Variants in SYNRG observed in about 807,000 individuals in gnomAD.
SYNRG encodes the protein AP1 gamma subunit binding protein 1.
SYNRG carries 37 observed loss-of-function variants against 130.9 expected under a neutral mutation model. The ratio of observed to expected loss-of-function variants is 0.28; its 90% CI spans 0.22 to 0.37. The LOEUF is 0.37. SYNRG is among the 10% of genes least tolerant of loss of function. The pLI, the probability that SYNRG is intolerant of heterozygous loss-of-function variation, is 1.00. For synonymous variants in SYNRG, 539 were observed against 568.1 expected (o/e 0.95, Z 0.73); for missense variants, 1,338 against 1,588.9 (o/e 0.84, Z 2.68).
At position 37,609,404 on chromosome 17, in the gene SYNRG, C is replaced by T; in HGVS notation, c.-49G>A. On this transcript the variant is annotated 5_prime_UTR_variant, in exon 1 of 22. Transcript: ENST00000612223. Reference sequence around the variant, plus strand: ...TTCGCCGCCGCCACCTTATCAGCAGCTGTCAGCTGAACACAGCCACTTCCG... The same window carrying T: ...TTCGCCGCCGCCACCTTATCAGCAGTTGTCAGCTGAACACAGCCACTTCCG... 2.9e-6 allele frequency: 4 copies of T among 1,381,100 alleles called. No homozygotes were observed. Among genetic ancestry groups the T allele is most frequent in the Non-Finnish European group, 3.7e-6 (4 of 1,071,312 alleles). The allele number at this position is 1,381,100 out of a possible 1,614,324, so 85.6% of individuals were successfully genotyped here. A position where few individuals can be genotyped will look rare whatever the true frequency, so the allele number is the denominator to read the frequency against.
chr17:37,608,742 G>C (rs75768361), intron 1 of SYNRG, among the ~76,000 whole-genome samples: 1 of 152,188 alleles, frequency 6.6e-6, no homozygotes, highest in East Asian at 1.9e-4. Context: ...GAGGTCTTTA[G>C]ATGTTCCTGC....
chr17:37,530,676 T>G (rs2056536106), intron 19 of SYNRG, among the ~76,000 whole-genome samples: 1 of 152,236 alleles, frequency 6.6e-6, no homozygotes. Flanking sequence ...TGGAAGACTC[T>G]CATTCAGACC....
chr17:37,520,454 C>G (rs1039908669), intron 20 of SYNRG, 84 bp downstream of exon 20: 4 of 1,343,824 alleles, frequency 3.0e-6, no homozygotes, highest in Non-Finnish European at 4.3e-6. Flanking sequence ...GTCACAAACT[C>G]TGCAGTAAAG....
chr17:37,535,829 C>T, intron 19 of SYNRG, 150 bp downstream of exon 19: 4 of 1,080,112 alleles, frequency 3.7e-6, no homozygotes, highest in Non-Finnish European at 5.4e-6. Context: ...GTTCAACTGA[C>T]CACACACCTG....
Position 37,577,588 on chromosome 17 carries a change from T to C in SYNRG, c.615A>G (p.Leu205=), listed in dbSNP as rs753349146. Residue 205 remains leucine, a synonymous_variant, in exon 7 of 22, where the codon CTA becomes CTG. Coordinates refer to ENST00000612223, the MANE Select transcript of SYNRG (RefSeq NM_007247.6). ...CAGATGTACTTATATCACAAGATAC[T>C]AGGAACTTCTCCTCCAAGGAAGGGC... ...KPGPSLEEKF[L]VSCDISTSGQ... 4.3e-6 allele frequency: 7 copies of C among 1,613,966 alleles called. No individual in the cohort carries two copies. The African/African-American group carries it at 5.3e-5, about 12-fold the overall frequency.
chr17:37,532,790 C>G lies in SYNRG; in HGVS notation c.3666+3189G>C, dbSNP rs1012632248. On this transcript the variant is annotated intron_variant, in intron 19 of 21. Coordinates refer to ENST00000612223, the MANE Select transcript of SYNRG (RefSeq NM_007247.6). Reference sequence around the variant, plus strand: ...TTATGAATCACTTCACGTTTTTGCTCATACGTTACTGGGATGTTGGTATAT... The same window carrying G: ...TTATGAATCACTTCACGTTTTTGCTGATACGTTACTGGGATGTTGGTATAT... 5.3e-5 allele frequency among the ~76,000 whole-genome samples: 8 copies of G among 151,256 alleles called. No individual in the cohort carries two copies. In the South Asian group the frequency reaches 6.3e-4, roughly 12 times the overall value.
At chr17:37,539,136 CA>C in intron 17 of SYNRG, 55 bp downstream of exon 17, 1 of 1,602,652 alleles carries the variant, frequency 6.2e-7, no homozygotes, top group Non-Finnish European at 8.5e-7. Flanking sequence ...ACCAAGAAGG[CA>C]AAAAGGCACA....
chr17:37,604,112 T>C (rs1166625999), intron 1 of SYNRG, among the ~76,000 whole-genome samples: 1 of 151,862 alleles, frequency 6.6e-6, no homozygotes, highest in Non-Finnish European at 1.5e-5. Context: ...TGGTGGTGCG[T>C]GCCTGTAATC....
rs1209082880 is a variant in SYNRG, at chr17:37,515,404, A to T, written c.*3536T>A. 1.6e-5 allele frequency: 1 copy of T among 61,030 alleles called. No homozygotes were observed. The highest frequency in any genetic ancestry group is 2.6e-5 in the Non-Finnish European group (1 of 39,208). The allele number at this position is 61,030 out of a possible 1,614,324, so 3.8% of individuals were successfully genotyped here. On this transcript the variant is annotated 3_prime_UTR_variant, in exon 22 of 22. Coordinates refer to ENST00000612223, the MANE Select transcript of SYNRG (RefSeq NM_007247.6). ...CCTTCTGAATGGCAAATGTCTGAAAATGTCAGTTTATTAACTGTTCACAAA... is the reference window on the plus strand; with the variant it reads ...CCTTCTGAATGGCAAATGTCTGAAATTGTCAGTTTATTAACTGTTCACAAA...
chr17:37,549,882 G>A (rs192471961), intron 14 of SYNRG, among the ~76,000 whole-genome samples: 3 of 152,136 alleles, frequency 2.0e-5, no homozygotes, highest in East Asian at 1.9e-4. Flanking sequence ...GTGAGCCACC[G>A]TGCCCGGATG....
At chr17:37,533,926 C>CTTTTTTTTTTTTTTTTTTTTTT (rs765621244) in intron 19 of SYNRG, among the ~76,000 whole-genome samples, 1 of 57,790 alleles carries the variant, frequency 1.7e-5, no homozygotes, top group Non-Finnish European at 3.2e-5. Flanking sequence ...ATTTTCTTTT[C>CTTTTTTTTTTTTTTTTTTTTTT]TTTTTTTTTT....
At chr17:37,569,034 C>T in intron 10 of SYNRG, 110 bp from the exon 11 acceptor site, 1 of 1,175,238 alleles carries the variant, frequency 8.5e-7, no homozygotes, top group Admixed American at 2.4e-5. Context: ...AGTTTAGATA[C>T]ATTAACTCAA....
chr17:37,541,723 A>C (rs1236101343), intron 15 of SYNRG: 5 of 558,548 alleles, frequency 9.0e-6, no homozygotes, highest in Non-Finnish European at 1.6e-5. Flanking sequence ...CTCTAACCAA[A>C]CGAGCTAATG....
At chr17:37,547,217 A>C (rs180678234) in intron 14 of SYNRG, among the ~76,000 whole-genome samples, 27 of 152,322 alleles carry the variant, frequency 1.8e-4, no homozygotes, top group Admixed American at 5.2e-4. Flanking sequence ...TTAGTGTTTT[A>C]AGTTCAAAAA....
chr17:37,596,239 C>T lies in SYNRG; in HGVS notation c.224G>A (p.Gly75Glu). ...GMNYSSQMSQ[G>E]PIAMQAGIPM... The stretch of plus-strand genomic sequence containing the variant: ...AGCAAGTACCTGCATAGCAATAGGT[C>T]CTTGGGACATCTGAGAGCTGTAATT... Residue 75 changes from glycine to glutamate, a missense_variant, in exon 3 of 22, where the codon GGA (glycine) becomes GAA (glutamate). Coordinates refer to ENST00000612223, the MANE Select transcript of SYNRG (RefSeq NM_007247.6). 1 of 1,614,014 alleles carries T rather than the reference C, an allele frequency of 6.2e-7. No homozygotes were observed. The highest frequency in any genetic ancestry group is 8.5e-7 in the Non-Finnish European group (1 of 1,179,928).
intron 8 of SYNRG, among the ~76,000 whole-genome samples, chr17:37,575,677 C>CA (rs767940022): frequency 2.1e-4 from 31 of 150,988 alleles, no homozygotes; most frequent in Non-Finnish European, 3.5e-4. Flanking sequence ...CCCGTCTCTA[C>CA]AAAAAAATAC....
chr17:37,526,438 T>C (rs2055927209), intron 19 of SYNRG, among the ~76,000 whole-genome samples: 1 of 152,238 alleles, frequency 6.6e-6, no homozygotes, highest in African/African-American at 2.4e-5. Context: ...TAGGCAATTA[T>C]AAAGTTTTGG....
chr17:37,599,232 G>A (rs2063049593), intron 2 of SYNRG, among the ~76,000 whole-genome samples: 1 of 152,222 alleles, frequency 6.6e-6, no homozygotes, highest in African/African-American at 2.4e-5. Flanking sequence ...CAGAGTGAAA[G>A]AAATGAGCGG....
intron 10 of SYNRG, 47 bp downstream of exon 10, chr17:37,570,590 A>C: frequency 6.4e-7 from 1 of 1,566,608 alleles, no homozygotes; most frequent in Non-Finnish European, 8.7e-7. Context: ...TGGTGCCCAG[A>C]TTCACTTTCA....
Sources: allele counts gnomAD v4.1 joint callset (sites outside exome capture counted in the v4.1 genomes callset), GRCh38; gene constraint gnomAD v4.1.1; transcripts MANE v1.5; gene names NCBI Gene and HGNC (gene_info 2026-07-23, HGNC 2026-07-21).